The following BOLA3 variants were observed in gnomAD, a reference collection of about 807,000 sequenced individuals.
The protein encoded by BOLA3 is bolA family member 3, also known as bolA-like protein 3.
Under a neutral mutation model 14.5 loss-of-function variants are expected in BOLA3, and 8 were observed. The ratio of observed to expected loss-of-function variants is 0.55; its 90% CI spans 0.32 to 0.99. The LOEUF (loss-of-function observed/expected upper bound fraction) is 0.99, where lower values mean the gene tolerates loss of function less well. Among genes scored for constraint, BOLA3 ranks in the 50% least tolerant of loss-of-function variants. The pLI, the probability that BOLA3 is intolerant of heterozygous loss-of-function variation, is 0.04. For synonymous variants in BOLA3, 42 were observed against 45.7 expected (o/e 0.92, Z 0.33); for missense variants, 115 against 138.2 (o/e 0.83, Z 0.84).
intron 2 of BOLA3, among the ~76,000 whole-genome samples, chr2:74,143,477 A>G (rs1692485536): frequency 2.0e-5 from 3 of 151,376 alleles, no homozygotes; most frequent in African/African-American, 7.3e-5. Flanking sequence ...TTTTCTTATA[A>G]TGTGCTCTAG....
chr2:74,147,002 G>C (rs892789639), intron 1 of BOLA3: 1 of 152,628 alleles, frequency 6.6e-6, no homozygotes, highest in Admixed American at 6.5e-5. Context: ...AGTGAGGGTG[G>C]GGTGGAGCTG....
chr2:74,142,432 G>T, intron 2 of BOLA3, 72 bp from the exon 3 acceptor site: 1 of 1,139,394 alleles, frequency 8.8e-7, no homozygotes, highest in Non-Finnish European at 1.3e-6. Flanking sequence ...TATCCTTGAA[G>T]TACTGTACAA....
intron 3 of BOLA3, among the ~76,000 whole-genome samples, chr2:74,137,650 G>T (rs1182515442): frequency 1.3e-5 from 2 of 151,972 alleles, no homozygotes; most frequent in African/African-American, 4.8e-5. Context: ...ATGGAATCAG[G>T]ATATGAACCC....
At chr2:74,145,695 C>T (rs1053824390) in intron 1 of BOLA3, 2 of 307,072 alleles carry the variant, frequency 6.5e-6, no homozygotes, top group Admixed American at 4.5e-5. Context: ...GCCAGAAAAG[C>T]TGGATAGCCT....
At chr2:74,140,267 G>C (rs915435153) in intron 3 of BOLA3, among the ~76,000 whole-genome samples, 2 of 152,188 alleles carry the variant, frequency 1.3e-5, no homozygotes, top group Non-Finnish European at 2.9e-5. Context: ...CTGGGTGACA[G>C]AGTGATACTC....
At chr2:74,140,931 C>T (rs752986606) in intron 3 of BOLA3, among the ~76,000 whole-genome samples, 6 of 152,214 alleles carry the variant, frequency 3.9e-5, no homozygotes, top group African/African-American at 7.2e-5. Flanking sequence ...AGTGGGAAGT[C>T]CAATTCCAGA....
intron 3 of BOLA3, among the ~76,000 whole-genome samples, chr2:74,137,947 C>G (rs986559015): frequency 6.6e-6 from 1 of 152,248 alleles, no homozygotes; most frequent in African/African-American, 2.4e-5. Context: ...CAACCAGCCT[C>G]TCCTCCTTAC....
intron 3 of BOLA3, 73 bp downstream of exon 3, chr2:74,142,199 C>T: frequency 1.7e-6 from 2 of 1,151,344 alleles, no homozygotes; most frequent in South Asian, 1.2e-5. Context: ...ACGGCAAAAA[C>T]CACCATCCCT....
chr2:74,145,434 G>A, intron 1 of BOLA3, 131 bp from the exon 2 acceptor site: 1 of 716,614 alleles, frequency 1.4e-6, no homozygotes, highest in South Asian at 1.4e-5. Context: ...ACAGCCATGG[G>A]TTATGTCAGA....
chr2:74,137,934 C>T (rs535360843), intron 3 of BOLA3, among the ~76,000 whole-genome samples: 1 of 152,244 alleles, frequency 6.6e-6, no homozygotes, highest in South Asian at 2.1e-4. Flanking sequence ...TGTGCCTGGA[C>T]CACAACCAGC....
At position 74,136,300 on chromosome 2, in the gene BOLA3, T is replaced by C. The variant is rs72915097; in HGVS notation, c.259-642A>G. Among the ~76,000 whole-genome samples, 993 of 152,286 alleles carry C rather than the reference T, an allele frequency of 6.5e-3. 6 individuals carry two copies. Among genetic ancestry groups the C allele is most frequent in the African/African-American group, 0.023 (946 of 41,540 alleles). ...CTTAAAAATGCATATTCACCAGGCA[T>C]ATTCAAGCTAATATATTTCACCCCA... On this transcript the variant is annotated intron_variant, in intron 3 of 3. Coordinates refer to ENST00000327428, the MANE Select transcript of BOLA3 (RefSeq NM_212552.3).
chr2:74,147,835 G>T lies in BOLA3; in HGVS notation c.40C>A (p.Arg14Ser). The T allele has an allele frequency of 6.5e-7, 1 of 1,527,154 alleles. No homozygotes were observed. The highest frequency in any genetic ancestry group is 8.7e-7 in the Non-Finnish European group (1 of 1,143,944). The allele number at this position is 1,527,154 out of a possible 1,614,324, so 94.6% of individuals were successfully genotyped here. Residue 14 changes from arginine to serine, a missense_variant, in exon 1 of 4, where the codon CGC becomes AGC. Coordinates refer to ENST00000327428, the MANE Select transcript of BOLA3 (RefSeq NM_212552.3). ...WSPAAAAPLL[R>S]GIRGLPLHHR... Reference sequence around the variant, plus strand: ...CCCACGCTCACCCCGCGGATCCCGCGGAGGAGAGGCGCTGCCGCGGCCGGG... The same window carrying T: ...CCCACGCTCACCCCGCGGATCCCGCTGAGGAGAGGCGCTGCCGCGGCCGGG...
At chr2:74,146,429 A>G (rs1003121711) in intron 1 of BOLA3, 2 of 152,436 alleles carry the variant, frequency 1.3e-5, no homozygotes, top group African/African-American at 4.8e-5. Flanking sequence ...CAGGCCTTGA[A>G]TGCCAGGCTA....
chr2:74,139,915 CAGG>C (rs1421232508), intron 3 of BOLA3, among the ~76,000 whole-genome samples: 1 of 152,202 alleles, frequency 6.6e-6, no homozygotes, highest in Admixed American at 6.5e-5. Context: ...GAGGCCGAGG[CAGG>C]AGGATCGTCA....
intron 3 of BOLA3, among the ~76,000 whole-genome samples, chr2:74,136,526 ATTC>A (rs1016372092): frequency 1.3e-5 from 2 of 152,164 alleles, no homozygotes; most frequent in African/African-American, 4.8e-5. Context: ...GCCCAAGAGA[ATTC>A]TTCTTCCATT....
intron 3 of BOLA3, among the ~76,000 whole-genome samples, chr2:74,138,316 A>G (rs1369627300): frequency 2.0e-5 from 3 of 152,244 alleles, no homozygotes; most frequent in East Asian, 3.8e-4. Context: ...AAGGCGTGGG[A>G]AAGTAATGAA....
chr2:74,138,318 A>G (rs1692371281), intron 3 of BOLA3, among the ~76,000 whole-genome samples: 1 of 152,278 alleles, frequency 6.6e-6, no homozygotes, highest in South Asian at 2.1e-4. Flanking sequence ...GGCGTGGGAA[A>G]GTAATGAAAG....
chr2:74,135,643 TTTC>T lies in BOLA3; in HGVS notation c.271_273del (p.Glu91del). The T allele has an allele frequency of 6.2e-7, 1 of 1,613,692 alleles. No homozygotes were observed. The highest frequency in any genetic ancestry group is 8.5e-7 in the Non-Finnish European group (1 of 1,179,612). ...ATCCGCAATCCATGCATCTCTTTGA[TTTC>T]TTCTTTTAGTGCCTAAGTAAGAAAA... On this transcript the variant is annotated inframe_deletion, in exon 4 of 4. Coordinates refer to ENST00000327428, the MANE Select transcript of BOLA3 (RefSeq NM_212552.3).
chr2:74,137,281 G>A (rs1692352928), intron 3 of BOLA3, among the ~76,000 whole-genome samples: 1 of 152,116 alleles, frequency 6.6e-6, no homozygotes, highest in Non-Finnish European at 1.5e-5. Context: ...TTGTTTCTTG[G>A]GCCAACATGC....
Sources: gnomAD v4.1 joint callset for allele counts (sites outside exome capture counted in the v4.1 genomes callset) on GRCh38, gnomAD v4.1.1 for gene constraint, MANE v1.5 for transcripts, NCBI Gene and HGNC (gene_info 2026-07-23, HGNC 2026-07-21) for gene names.